The following APC variants were observed in gnomAD, a reference collection of about 807,000 sequenced individuals.
APC encodes the protein adenomatous polyposis coli protein.
APC carries 72 observed loss-of-function variants against 247.0 expected under a neutral mutation model. The ratio of observed to expected loss-of-function variants is 0.29; its 90% CI spans 0.24 to 0.35. The LOEUF (loss-of-function observed/expected upper bound fraction) is 0.35, where lower values mean the gene tolerates loss of function less well. APC is among the 10% of genes least tolerant of loss of function. The pLI is 1.00. For missense variants in APC, 3,400 were observed against 3,360.7 expected, an observed-to-expected ratio of 1.01 and a Z score of -0.29; for synonymous variants, 1,254 against 1,162.5, an observed-to-expected ratio of 1.08 and a Z score of -1.60.
rs373212801 is a variant in APC, at chr5:112,794,547, C to T, written c.729+2018C>T. ...CAGTCACAAGACTGTCCACTTCAAA[C>T]GCCAGCCACAAGTTTTGGGTGTCCC... On this transcript the variant is annotated intron_variant, in intron 7 of 15. Transcript: ENST00000257430. 5.9e-5 allele frequency among the ~76,000 whole-genome samples: 9 copies of T among 152,236 alleles called. No homozygotes were observed. The East Asian group carries it at 1.2e-3, about 20-fold the overall frequency.
chr5:112,818,844 TGGCG>T, intron 9 of APC, 118 bp from the exon 10 acceptor site: 1 of 842,628 alleles, frequency 1.2e-6, no homozygotes, highest in Non-Finnish European at 1.8e-6. Flanking sequence ...GTTTTTTTTT[TGGCG>T]GGGGGGGTTG....
In APC at chr5:112,837,943, A is replaced by G. The variant is rs1580620884; in HGVS notation, c.2349A>G (p.Ala783=). Residue 783 remains alanine, a synonymous_variant, in exon 16 of 16, where the codon GCA becomes GCG. Coordinates refer to ENST00000257430, the MANE Select transcript of APC (RefSeq NM_000038.6). ...FDNIDNLSPK[A]SHRSKQRHKQ... is the part of the protein sequence containing the mutation. ...ATATAGACAATTTAAGTCCCAAGGCATCTCATCGTAGTAAGCAGAGACACA... is the reference window on the plus strand; with the variant it reads ...ATATAGACAATTTAAGTCCCAAGGCGTCTCATCGTAGTAAGCAGAGACACA... The G allele has an allele frequency of 6.2e-7, 1 of 1,614,126 alleles. No individual in the cohort carries two copies. The highest frequency in any genetic ancestry group is 8.5e-7 in the Non-Finnish European group (1 of 1,180,018).
At chr5:112,756,621 A>G (rs920464169) in intron 2 of APC, among the ~76,000 whole-genome samples, 2 of 152,222 alleles carry the variant, frequency 1.3e-5, no homozygotes, top group Admixed American at 6.5e-5. Flanking sequence ...TTTGTAGTGT[A>G]GAACTCTGAG....
At chr5:112,810,666 T>A (rs1481248341) in intron 8 of APC, among the ~76,000 whole-genome samples, 2 of 152,208 alleles carry the variant, frequency 1.3e-5, no homozygotes, top group Non-Finnish European at 2.9e-5. Context: ...GATTGCAATG[T>A]TTCCAGACAA....
intron 1 of APC, among the ~76,000 whole-genome samples, chr5:112,749,956 CTTTTTTTTTTTGT>C (rs1754135963): frequency 8.4e-6 from 1 of 118,372 alleles, no homozygotes; most frequent in Non-Finnish European, 1.8e-5. Context: ...TTCTTTTTCT[CTTTTTTTTTTTGT>C]TTTTTTTTTT....
intron 1 of APC, among the ~76,000 whole-genome samples, chr5:112,719,625 C>G (rs1471699660): frequency 6.6e-6 from 1 of 150,452 alleles, no homozygotes; most frequent in East Asian, 2.0e-4. Context: ...ACCTCCGCCT[C>G]CCAGGTTCAG....
intron 1 of APC, among the ~76,000 whole-genome samples, chr5:112,722,089 G>T (rs975933411): frequency 1.3e-5 from 2 of 152,164 alleles, no homozygotes; most frequent in African/African-American, 4.8e-5. Context: ...ACAGAAAGTG[G>T]TGTCATCTGA....
At chr5:112,749,623 G>A (rs555850612) in intron 1 of APC, among the ~76,000 whole-genome samples, 43 of 151,914 alleles carry the variant, frequency 2.8e-4, no homozygotes, top group Non-Finnish European at 4.0e-4. Flanking sequence ...GAGGCGCTGG[G>A]ACTACAGGCA....
chr5:112,749,495 TTTTTTTTG>T (rs1184588437), intron 1 of APC, among the ~76,000 whole-genome samples: 1 of 143,434 alleles, frequency 7.0e-6, no homozygotes, highest in African/African-American at 2.8e-5. Context: ...TTTTTTTTTT[TTTTTTTTG>T]ATATGGAGTC....
intron 15 of APC, among the ~76,000 whole-genome samples, chr5:112,835,405 T>C (rs1764782683): frequency 6.6e-6 from 1 of 152,044 alleles, no homozygotes; most frequent in Admixed American, 6.6e-5. Flanking sequence ...AGCCCATAGG[T>C]GGAGGAAAAA....
chr5:112,834,925 A>T (rs1416725220), intron 14 of APC, 26 bp from the exon 15 acceptor site: 1 of 1,593,244 alleles, frequency 6.3e-7, no homozygotes, highest in Non-Finnish European at 8.6e-7. Context: ...CTCTAATTAG[A>T]TGACCCATAT....
chr5:112,726,657 G>C (rs76803830), intron 1 of APC, among the ~76,000 whole-genome samples: 9,214 of 152,004 alleles, frequency 0.061, 564 homozygotes, highest in African/African-American at 0.14. Context: ...GCCTTTGCTG[G>C]AGAGCTACCC....
chr5:112,783,424 T>A (rs1758567399), intron 6 of APC, among the ~76,000 whole-genome samples: 1 of 151,928 alleles, frequency 6.6e-6, no homozygotes, highest in African/African-American at 2.4e-5. Context: ...AAAAGGCAAA[T>A]AATGGAAATG....
chr5:112,777,467 T>C (rs1463913006), intron 5 of APC, among the ~76,000 whole-genome samples: 1 of 152,170 alleles, frequency 6.6e-6, no homozygotes, highest in Admixed American at 6.5e-5. Context: ...TACAGAAAGC[T>C]TTTATTTATT....
chr5:112,819,442 TA>T, intron 10 of APC, 98 bp downstream of exon 10: 4 of 1,460,722 alleles, frequency 2.7e-6, no homozygotes, highest in Non-Finnish European at 3.8e-6. Context: ...TCTTTATGAC[TA>T]AGAGGAGAAA....
chr5:112,832,698 A>G (rs1359892365), intron 14 of APC, among the ~76,000 whole-genome samples: 2 of 152,172 alleles, frequency 1.3e-5, no homozygotes, highest in Non-Finnish European at 2.9e-5. Flanking sequence ...GCCAGCAGCA[A>G]CTGGATTCTC....
chr5:112,762,175 C>G (rs1755745480), intron 2 of APC, among the ~76,000 whole-genome samples: 1 of 152,164 alleles, frequency 6.6e-6, no homozygotes, highest in African/African-American at 2.4e-5. Context: ...CAGGGAAATG[C>G]AAAGACTATT....
At chr5:112,808,657 G>T (rs1476065644) in intron 8 of APC, among the ~76,000 whole-genome samples, 1 of 152,082 alleles carries the variant, frequency 6.6e-6, no homozygotes, top group Non-Finnish European at 1.5e-5. Flanking sequence ...CAGTCCTCCT[G>T]CCTCAGCCTC....
intron 1 of APC, among the ~76,000 whole-genome samples, chr5:112,715,156 C>G (rs1188244028): frequency 6.6e-6 from 1 of 152,174 alleles, no homozygotes; most frequent in Non-Finnish European, 1.5e-5. Context: ...CTGAATTCTA[C>G]TTGTGTTTTT....
Sources: allele counts gnomAD v4.1 joint callset (sites outside exome capture counted in the v4.1 genomes callset), GRCh38; gene constraint gnomAD v4.1.1; transcripts MANE v1.5; gene names NCBI Gene and HGNC (gene_info 2026-07-23, HGNC 2026-07-21).